Variants in TRIM16 observed in about 807,000 individuals in gnomAD.
TRIM16 encodes tripartite motif containing 16.
TRIM16 carries 33 observed loss-of-function variants against 50.4 expected under a neutral mutation model. That is an observed-to-expected ratio of 0.65 (90% CI 0.50 to 0.88). TRIM16 has a LOEUF of 0.88. Among genes scored for constraint, TRIM16 ranks in the 40% least tolerant of loss-of-function variants. The pLI, the probability that TRIM16 is intolerant of heterozygous loss-of-function variation, is 0.00. For missense variants in TRIM16, 581 were observed against 686.8 expected, an observed-to-expected ratio of 0.85 and a Z score of 1.72; for synonymous variants, 229 against 270.7, an observed-to-expected ratio of 0.85 and a Z score of 1.51.
intron 6 of TRIM16, among the ~76,000 whole-genome samples, chr17:15,664,052 G>A (rs1382152189): frequency 2.9e-4 from 44 of 152,218 alleles, no homozygotes; most frequent in Admixed American, 2.9e-3. Context: ...ATCCATCTAT[G>A]AAAGCAAAAC....
At chr17:15,675,065 G>A (rs1000568768) in intron 6 of TRIM16, among the ~76,000 whole-genome samples, 8 of 151,848 alleles carry the variant, frequency 5.3e-5, no homozygotes, top group Non-Finnish European at 1.0e-4. Flanking sequence ...TATTCCTGAG[G>A]CCAGGGAAGG....
intron 7 of TRIM16, among the ~76,000 whole-genome samples, chr17:15,646,722 G>A (rs896363986): frequency 6.6e-6 from 1 of 151,494 alleles, no homozygotes; most frequent in African/African-American, 2.4e-5. Context: ...ATCCCAGACT[G>A]TGCCAGTTCC....
At chr17:15,674,102 T>C (rs1162488487) in intron 6 of TRIM16, among the ~76,000 whole-genome samples, 1 of 152,176 alleles carries the variant, frequency 6.6e-6, no homozygotes, top group Non-Finnish European at 1.5e-5. Flanking sequence ...CCGGGCGCGG[T>C]GGCTCACGCC....
At chr17:15,652,067 A>G in intron 6 of TRIM16, 121 bp from the exon 7 acceptor site, 1 of 719,650 alleles carries the variant, frequency 1.4e-6, no homozygotes, top group Non-Finnish European at 1.7e-6. Context: ...GGACTTCAAC[A>G]CCAGGACAGC....
intron 6 of TRIM16, among the ~76,000 whole-genome samples, chr17:15,674,067 C>A (rs1027346757): frequency 1.3e-5 from 2 of 152,062 alleles, no homozygotes; most frequent in African/African-American, 4.8e-5. Context: ...AAAATAGATT[C>A]CTCATCAACA....
At chr17:15,665,300 C>CAGG (rs765832130) in intron 6 of TRIM16, among the ~76,000 whole-genome samples, 65 of 152,066 alleles carry the variant, frequency 4.3e-4, no homozygotes, top group Non-Finnish European at 6.9e-4. Context: ...ATCACGAGGT[C>CAGG]AGATCGAGAC....
Position 15,684,304 on chromosome 17 carries a change from C to G in TRIM16, c.-1007G>C, listed in dbSNP as rs1597688165. The G allele has an allele frequency of 6.6e-6, 1 of 152,208 alleles. No individual in the cohort carries two copies. The highest frequency in any genetic ancestry group is 6.5e-5 in the Admixed American group (1 of 15,274). 9.4% of individuals were successfully genotyped at this position (152,208 alleles called of 1,614,324 possible). A position where few individuals can be genotyped will look rare whatever the true frequency, so the allele number is the denominator to read the frequency against. On this transcript the variant is annotated 5_prime_UTR_variant, in exon 1 of 12. Transcript: ENST00000649191. ...CGCGGAGATCCTCCAGAGAAAGGGGCCGGAAACGGAAGTGCGCGCCGAGGC... is the reference window on the plus strand; with the variant it reads ...CGCGGAGATCCTCCAGAGAAAGGGGGCGGAAACGGAAGTGCGCGCCGAGGC...
chr17:15,652,455 CTTTTTTTTTTTTTTT>C (rs34158100), intron 6 of TRIM16, among the ~76,000 whole-genome samples: 1 of 65,358 alleles, frequency 1.5e-5, no homozygotes, highest in Non-Finnish European at 2.7e-5. Context: ...CGGTGCCCAC[CTTTTTTTTTTTTTTT>C]TTTTTTTTTT....
At chr17:15,678,840 A>G (rs1264626148) in intron 4 of TRIM16, among the ~76,000 whole-genome samples, 1 of 151,784 alleles carries the variant, frequency 6.6e-6, no homozygotes, top group African/African-American at 2.4e-5. Context: ...CAAGCTTCAA[A>G]GAAAAGAATA....
chr17:15,682,522 A>C (rs371770340), intron 3 of TRIM16, among the ~76,000 whole-genome samples: 18 of 152,328 alleles, frequency 1.2e-4, no homozygotes, highest in African/African-American at 4.3e-4. Flanking sequence ...TTAAGAGAAA[A>C]CTGAAAGAGA....
Position 15,680,898 on chromosome 17 carries a change from A to G in TRIM16, c.-623T>C, listed in dbSNP as rs1989157885. Reference sequence around the variant, plus strand: ...CTGCTGTCCGGCAAAGAGCAGCCATATTTTCCTTCTTAAGATACCCCTTTT... The same window carrying G: ...CTGCTGTCCGGCAAAGAGCAGCCATGTTTTCCTTCTTAAGATACCCCTTTT... On this transcript the variant is annotated 5_prime_UTR_variant, in exon 4 of 12. Coordinates refer to ENST00000649191, the MANE Select transcript of TRIM16 (RefSeq NM_001348119.1). 3 of 1,546,896 alleles carry G rather than the reference A, an allele frequency of 1.9e-6. No individual in the cohort carries two copies. The highest frequency in any genetic ancestry group is 2.6e-6 in the Non-Finnish European group (3 of 1,146,104).
chr17:15,659,545 A>G (rs1015943618), intron 6 of TRIM16, among the ~76,000 whole-genome samples: 4 of 152,254 alleles, frequency 2.6e-5, no homozygotes, highest in African/African-American at 7.2e-5. Flanking sequence ...TTGAATCTCC[A>G]TATCAACCTC....
Position 15,628,898 on chromosome 17 carries a change from C to T in TRIM16, c.1412G>A (p.Trp471Ter). ...CCAGGCCGTGAACTCCTTCCCGTTC[C>T]ATTGGAGGCTCCAGGAGAAGTTGTT... ...SGNNFSWSLQ[W>*]NGKEFTAWYS... The change falls in exon 12 of 12, where the codon TGG becomes TAG. Residue 471 changes from tryptophan to a stop codon, truncating the protein, a stop_gained. Coordinates refer to ENST00000649191, the MANE Select transcript of TRIM16 (RefSeq NM_001348119.1). LOFTEE classifies it high-confidence loss of function. The T allele has an allele frequency of 1.2e-6, 2 of 1,614,234 alleles. No individual in the cohort carries two copies. Among genetic ancestry groups the T allele is most frequent in the Non-Finnish European group, 8.5e-7 (1 of 1,180,046 alleles).
intron 8 of TRIM16, among the ~76,000 whole-genome samples, chr17:15,637,395 T>G (rs1378438134): frequency 1.1e-5 from 1 of 87,682 alleles, no homozygotes; most frequent in African/African-American, 4.9e-5. Context: ...GGGAGGGAGG[T>G]GGGGGGGTCA....
chr17:15,655,604 T>C (rs927647743), intron 6 of TRIM16, among the ~76,000 whole-genome samples: 1 of 151,704 alleles, frequency 6.6e-6, no homozygotes, highest in African/African-American at 2.4e-5. Flanking sequence ...AGACGGAGTA[T>C]CGCTCTGTCG....
At chr17:15,682,978 G>T (rs566300425) in intron 2 of TRIM16, 27 bp from the exon 3 acceptor site, 2 of 1,548,386 alleles carry the variant, frequency 1.3e-6, no homozygotes, top group South Asian at 1.2e-5. Flanking sequence ...AAATGAGGTT[G>T]TGTGTGCATA....
intron 6 of TRIM16, among the ~76,000 whole-genome samples, chr17:15,672,172 G>C (rs1242640997): frequency 3.3e-5 from 5 of 151,962 alleles, no homozygotes; most frequent in Non-Finnish European, 5.9e-5. Flanking sequence ...TATCAGCCAA[G>C]CATACAGGCA....
intron 6 of TRIM16, 70 bp from the exon 7 acceptor site, chr17:15,652,016 AT>A (rs771656674): frequency 3.1e-4 from 325 of 1,034,058 alleles, no homozygotes; most frequent in Middle Eastern, 9.4e-4. Flanking sequence ...GACAAGCGAC[AT>A]TTTTTTTTGT....
At chr17:15,675,593 CA>C (rs1424789198) in intron 6 of TRIM16, 9 of 173,984 alleles carry the variant, frequency 5.2e-5, no homozygotes, top group African/African-American at 1.7e-4. Context: ...AGCCTTCAGC[CA>C]GAGTTCATCT....
Sources: gnomAD v4.1 joint callset for allele counts (sites outside exome capture counted in the v4.1 genomes callset) on GRCh38, gnomAD v4.1.1 for gene constraint, MANE v1.5 for transcripts, NCBI Gene and HGNC (gene_info 2026-07-23, HGNC 2026-07-21) for gene names.